Variants in TFAP2A observed in about 807,000 individuals in gnomAD.
TFAP2A encodes transcription factor AP-2-alpha.
A neutral mutation model predicts 41.5 loss-of-function variants in TFAP2A; 7 were observed. The ratio of observed to expected loss-of-function variants is 0.17; its 90% CI spans 0.10 to 0.32. TFAP2A has a LOEUF of 0.32. Among genes scored for constraint, TFAP2A ranks in the 10% least tolerant of loss-of-function variants. The pLI, the probability that TFAP2A is intolerant of heterozygous loss-of-function variation, is 1.00. For missense variants in TFAP2A, 416 were observed against 563.3 expected (o/e 0.74, Z 2.65); for synonymous variants, 247 against 242.8 (o/e 1.02, Z -0.16).
At chr6:10,412,218 G>A in intron 1 of TFAP2A, 2 of 987,252 alleles carry the variant, frequency 2.0e-6, no homozygotes, top group Non-Finnish European at 2.4e-6. Context: ...AGAGGGAGCG[G>A]GCGAGCGCGC....
Position 10,411,048 on chromosome 6 carries a change from C to CG in TFAP2A, c.52-714_52-713insC, listed in dbSNP as rs201946549. On this transcript the variant is annotated intron_variant, in intron 1 of 6. Coordinates refer to ENST00000379613, the MANE Select transcript of TFAP2A (RefSeq NM_001372066.1). ...GAGAGGTGCACCCCGGGGCTGTGGC[C>CG]CCCCCCCCCCGCCCCTTCCACCCCA... 8.8e-4 allele frequency: 86 copies of CG among 97,914 alleles called. 1 individual carries two copies. In the East Asian group the frequency reaches 0.02, roughly 23 times the overall value. 6.1% of individuals were successfully genotyped at this position (97,914 alleles called of 1,614,324 possible). A position where few individuals can be genotyped will look rare whatever the true frequency, so the allele number is the denominator to read the frequency against.
At chr6:10,404,309 GGC>G (rs1481032738) in intron 4 of TFAP2A, among the ~76,000 whole-genome samples, 197 bp downstream of exon 4, 2 of 152,218 alleles carry the variant, frequency 1.3e-5, no homozygotes, top group Non-Finnish European at 2.9e-5. Flanking sequence ...GGAGAGCGCA[GGC>G]GCGCGCCGCA....
chr6:10,417,691 G>T (rs1429867558), upstream of TFAP2A, among the ~76,000 whole-genome samples: 2 of 152,148 alleles, frequency 1.3e-5, no homozygotes, highest in Non-Finnish European at 2.9e-5. Flanking sequence ...TCTTTTCTCC[G>T]ATTGTCAATG....
intron 1 of TFAP2A, chr6:10,411,456 G>A: frequency 1.9e-6 from 3 of 1,581,654 alleles, no homozygotes; most frequent in Non-Finnish European, 2.6e-6. Flanking sequence ...AATGGAGAGG[G>A]TGTCCTGAAG....
At chr6:10,409,533 G>A in intron 2 of TFAP2A, 1 of 273,588 alleles carries the variant, frequency 3.7e-6, no homozygotes, top group South Asian at 4.3e-5. Flanking sequence ...ATCATTCCCA[G>A]GACAGGGAGA....
chr6:10,402,950 T>C lies in TFAP2A; in HGVS notation c.771-340A>G, dbSNP rs303050. On this transcript the variant is annotated intron_variant, in intron 4 of 6. Coordinates refer to ENST00000379613, the MANE Select transcript of TFAP2A (RefSeq NM_001372066.1). ...GTTCAACTGATTCCTGTATATTTTC[T>C]CTGCTGTTACAATCACACCAATCCC... Among the ~76,000 whole-genome samples the C allele has an allele frequency of 0.31, 46,448 of 152,146 alleles. 10,943 individuals carry two copies. The highest frequency in any genetic ancestry group is 0.65 in the African/African-American group (27,138 of 41,454).
intron 2 of TFAP2A, 195 bp from the exon 3 acceptor site, chr6:10,407,039 C>T (rs569934455): frequency 1.6e-6 from 1 of 607,910 alleles, no homozygotes; most frequent in South Asian, 2.0e-5. Flanking sequence ...CACTGCACAC[C>T]CATGGCCAAT....
At chr6:10,404,381 C>A (rs975839580) in intron 4 of TFAP2A, 127 bp downstream of exon 4, 18 of 602,368 alleles carry the variant, frequency 3.0e-5, no homozygotes, top group African/African-American at 2.7e-4. Context: ...CTCCCCGCCC[C>A]CTTTCCTTTC....
chr6:10,405,986 A>C (rs923243791), intron 3 of TFAP2A: 3 of 152,238 alleles, frequency 2.0e-5, no homozygotes, highest in African/African-American at 7.2e-5. Context: ...CACAGATGCA[A>C]AAATGAAACT....
chr6:10,400,364 G>A, intron 6 of TFAP2A, 84 bp downstream of exon 6: 2 of 1,548,990 alleles, frequency 1.3e-6, no homozygotes, highest in Non-Finnish European at 1.8e-6. Flanking sequence ...AGGAAAACAA[G>A]GGAGAAGGAA....
chr6:10,415,486 C>G (rs573268051), upstream of TFAP2A: 1 of 246,442 alleles, frequency 4.1e-6, no homozygotes, highest in East Asian at 9.7e-5. Context: ...CCCCAACACC[C>G]CCTCTCTTAC....
chr6:10,415,146 G>A, upstream of TFAP2A: 2 of 1,542,966 alleles, frequency 1.3e-6, no homozygotes, highest in Non-Finnish European at 1.7e-6. Flanking sequence ...AGAGGAGGAG[G>A]GCAAGGAGGA....
rs952359971 is a variant in TFAP2A, at chr6:10,398,299, A to G, written c.*118T>C. On this transcript the variant is annotated 3_prime_UTR_variant, in exon 7 of 7. Coordinates refer to ENST00000379613, the MANE Select transcript of TFAP2A (RefSeq NM_001372066.1). The surrounding 1 kb of genome is among the most constrained non-coding windows in gnomAD (Gnocchi z 5.3). ...GGGCAGCGGCGGCGGCGGCGGCGGC[A>G]GCAGCAGCAGCAGTAGCAGCAGCAG... 1.0e-4 allele frequency: 157 copies of G among 1,542,012 alleles called. No individual in the cohort carries two copies. The highest frequency in any genetic ancestry group is 4.0e-4 in the African/African-American group (29 of 72,464).
intron 1 of TFAP2A, among the ~76,000 whole-genome samples, chr6:10,413,670 C>T (rs1353212917): frequency 1.3e-5 from 2 of 152,194 alleles, no homozygotes; most frequent in African/African-American, 4.8e-5. Context: ...GATGTCACCC[C>T]GTCCCCATCT....
In TFAP2A at chr6:10,398,116, T is replaced by C; in HGVS notation, c.*301A>G. ...AAAGGGTTCACAAACTTGGCAGAAC[T>C]TTTCTCTGCTGGCTTCACGGCCTGT... On this transcript the variant is annotated 3_prime_UTR_variant, in exon 7 of 7. Coordinates refer to ENST00000379613, the MANE Select transcript of TFAP2A (RefSeq NM_001372066.1). The surrounding 1 kb of genome is among the most constrained non-coding windows in gnomAD (Gnocchi z 5.3). The C allele has an allele frequency of 7.8e-7, 1 of 1,287,076 alleles. No homozygotes were observed. 79.7% of individuals were successfully genotyped at this position (1,287,076 alleles called of 1,614,324 possible).
intron 5 of TFAP2A, among the ~76,000 whole-genome samples, chr6:10,401,490 G>A (rs1248525153): frequency 6.6e-6 from 1 of 152,114 alleles, no homozygotes; most frequent in Non-Finnish European, 1.5e-5. Flanking sequence ...TCAACAAAGA[G>A]AATTCATAGG....
At chr6:10,411,446 A>G in intron 1 of TFAP2A, 1 of 1,548,420 alleles carries the variant, frequency 6.5e-7, no homozygotes, top group South Asian at 1.1e-5. Context: ...GGGGGATGCA[A>G]ATGGAGAGGG....
rs745892262 is a variant in TFAP2A, at chr6:10,404,666, G to T, written c.612C>A (p.Gly204=). 3 of 1,614,210 alleles carry T rather than the reference G, an allele frequency of 1.9e-6. No homozygotes were observed. The highest frequency in any genetic ancestry group is 2.5e-6 in the Non-Finnish European group (3 of 1,180,022). The change falls in exon 4 of 7, where the codon GGC becomes GGA. Residue 204 remains glycine (G), a synonymous_variant. Coordinates refer to ENST00000379613, the MANE Select transcript of TFAP2A (RefSeq NM_001372066.1). ...AGACTTCGTTGGGGTTCACCACGCC[G>T]CCGAAGAGGTTGTCCTTGTTAATAG... is the stretch of plus-strand genomic sequence containing the variant. ...AIPINKDNLF[G]GVVNPNEVFC...
chr6:10,410,115 G>C lies in TFAP2A; in HGVS notation c.272C>G (p.Pro91Arg), dbSNP rs1369464081. 1 of 1,612,828 alleles carries C rather than the reference G, an allele frequency of 6.2e-7. No homozygotes were observed. The highest frequency in any genetic ancestry group is 8.5e-7 in the Non-Finnish European group (1 of 1,179,864). ...GGGCCAGCCTGGGTGCTGCGGCTGC[G>C]GCTGGGCGTGCAGGGGGTTCAGGCT... ...PYSLNPLHAQ[P>R]QPQHPGWPGQ... The change falls in exon 2 of 7, where the codon CCG becomes CGG. Residue 91 changes from proline to arginine, a missense_variant. Pro to Arg is a moderately radical substitution (Grantham distance 103, BLOSUM62 -2). Around this residue, in one of 3 missense-constraint regions of TFAP2A, gnomAD observed 241 missense variants for 274.1 expected, o/e 0.88. Coordinates refer to ENST00000379613, the MANE Select transcript of TFAP2A (RefSeq NM_001372066.1).
Sources: gnomAD v4.1 joint callset for allele counts (sites outside exome capture counted in the v4.1 genomes callset) on GRCh38, gnomAD v4.1.1 for gene constraint, gnomAD v4.1.1 regional missense constraint, Gnocchi (gnomAD v3.1) non-coding constraint, MANE v1.5 for transcripts, NCBI Gene and HGNC (gene_info 2026-07-23, HGNC 2026-07-21) for gene names.